The following ZMAT3 variants were observed in gnomAD, a reference collection of about 807,000 sequenced individuals.
ZMAT3 encodes zinc finger matrin-type 3.
In ZMAT3, 17 loss-of-function variants were observed where a neutral mutation model predicts 32.3. That is an observed-to-expected ratio of 0.53 (90% CI 0.36 to 0.79). The LOEUF is 0.79. Ranked by LOEUF, ZMAT3 falls within the 30% of genes least tolerant of loss-of-function variation. The pLI is 0.00. For synonymous variants in ZMAT3, 120 were observed against 133.1 expected (o/e 0.90, Z 0.68); for missense variants, 329 against 359.7 (o/e 0.91, Z 0.69).
intron 2 of ZMAT3, among the ~76,000 whole-genome samples, chr3:179,049,591 A>T (rs1231819219): frequency 1.3e-5 from 2 of 152,240 alleles, no homozygotes; most frequent in African/African-American, 4.8e-5. Flanking sequence ...TAAAATCAAG[A>T]TGGAAATTAA....
In ZMAT3 at chr3:179,067,576, T is replaced by C. The variant is rs1721481682; in HGVS notation, c.177A>G (p.Gln59=). ...GEEELSKGGE[Q]DCALEELCKP... is the part of the protein sequence containing the mutation. ...TACATAGCTCCTCCAGGGCACAGTC[T>C]TGCTCCCCTCCCTTCGATAACTCTT... The change falls in exon 2 of 6, where the codon CAA becomes CAG. Residue 59 remains glutamine (Q), a synonymous_variant. Transcript: ENST00000311417. The C allele has an allele frequency of 3.7e-6, 6 of 1,614,176 alleles. No individual in the cohort carries two copies. The highest frequency in any genetic ancestry group is 5.1e-6 in the Non-Finnish European group (6 of 1,180,038).
intron 1 of ZMAT3, among the ~76,000 whole-genome samples, chr3:179,069,681 T>C (rs1383484541): frequency 6.6e-6 from 1 of 152,086 alleles, no homozygotes; most frequent in Non-Finnish European, 1.5e-5. Flanking sequence ...TCAGACGAAA[T>C]TTGGGGTGGG....
chr3:179,032,587 G>C (rs992859983), intron 2 of ZMAT3, among the ~76,000 whole-genome samples: 1 of 150,878 alleles, frequency 6.6e-6, no homozygotes, highest in African/African-American at 2.4e-5. Context: ...CCATCGTCTG[G>C]GATGTGGGGA....
In ZMAT3 at chr3:179,020,397, C is replaced by T. The variant is rs948317762; in HGVS notation, c.*4620G>A. The T allele has an allele frequency of 1.3e-5, 2 of 152,188 alleles. No homozygotes were observed. Among genetic ancestry groups the T allele is most frequent in the Non-Finnish European group, 2.9e-5 (2 of 68,018 alleles). 9.4% of individuals were successfully genotyped at this position (152,188 alleles called of 1,614,324 possible). ...CTATTTGTCCATTCAGCCAGAGTGA[C>T]AGTAACTGCTCACAATGGTAGGGGT... On this transcript the variant is annotated 3_prime_UTR_variant, in exon 6 of 6. Transcript: ENST00000311417.
chr3:179,019,533 C>T lies in ZMAT3; in HGVS notation c.*5484G>A, dbSNP rs1194685853. On this transcript the variant is annotated 3_prime_UTR_variant, in exon 6 of 6. Transcript: ENST00000311417. ...GTCAAATGTTGATGGCAGAATCTAG[C>T]AGTGGTTATACTGCAAAGTTTTTTC... The T allele has an allele frequency of 6.6e-6, 1 of 152,000 alleles. No individual in the cohort carries two copies. The highest frequency in any genetic ancestry group is 1.5e-5 in the Non-Finnish European group (1 of 67,952). The allele number at this position is 152,000 out of a possible 1,614,324, so 9.4% of individuals were successfully genotyped here. A position where few individuals can be genotyped will look rare whatever the true frequency, so the allele number is the denominator to read the frequency against.
In ZMAT3 at chr3:179,024,848, C is replaced by A. The variant is rs1284099638; in HGVS notation, c.*169G>T. 2.0e-6 allele frequency: 1 copy of A among 498,328 alleles called. No homozygotes were observed. The highest frequency in any genetic ancestry group is 2.0e-5 in the African/African-American group (1 of 50,468). 30.9% of individuals were successfully genotyped at this position (498,328 alleles called of 1,614,324 possible). ...CGTTCTTCACACCCACCTCCCCCCG[C>A]CCCGCCCCCGGGCCCCCAGGTTTTG... On this transcript the variant is annotated 3_prime_UTR_variant, in exon 6 of 6. Coordinates refer to ENST00000311417, the MANE Select transcript of ZMAT3 (RefSeq NM_022470.4).
chr3:179,025,360 T>C (rs1010705059), intron 5 of ZMAT3, 132 bp from the exon 6 acceptor site: 21 of 748,988 alleles, frequency 2.8e-5, no homozygotes, highest in Non-Finnish European at 4.5e-5. Context: ...TAAGTGAATG[T>C]GAAGTTAATG....
chr3:179,036,803 A>C (rs957292310), intron 2 of ZMAT3, among the ~76,000 whole-genome samples: 1 of 152,158 alleles, frequency 6.6e-6, no homozygotes, highest in Non-Finnish European at 1.5e-5. Flanking sequence ...TGTGAAACCC[A>C]ACCTCATGCC....
rs1230846247 is a variant in ZMAT3, at chr3:179,023,771, A to AGTGCAGTG, written c.*1238_*1245dup. The AGTGCAGTG allele has an allele frequency of 1.9e-5, 2 of 107,036 alleles. No homozygotes were observed. Among genetic ancestry groups the AGTGCAGTG allele is most frequent in the African/African-American group, 7.6e-5 (2 of 26,342 alleles). 6.6% of individuals were successfully genotyped at this position (107,036 alleles called of 1,614,324 possible). A position where few individuals can be genotyped will look rare whatever the true frequency, so the allele number is the denominator to read the frequency against. ...AGTCTCGCTCTGTCACCCAGGCTGG[A>AGTGCAGTG]GTGCAGTGGCGCGATCTCGGCTCAC... On this transcript the variant is annotated 3_prime_UTR_variant, in exon 6 of 6. Transcript: ENST00000311417.
At chr3:179,067,854 T>TC in intron 1 of ZMAT3, 45 bp from the exon 2 acceptor site, 1 of 1,493,844 alleles carries the variant, frequency 6.7e-7, no homozygotes, top group East Asian at 2.3e-5. Flanking sequence ...CACTTGAAAA[T>TC]CAGACTTCAG....
intron 2 of ZMAT3, among the ~76,000 whole-genome samples, chr3:179,042,451 T>C (rs962957121): frequency 2.0e-5 from 3 of 152,142 alleles, no homozygotes; most frequent in Non-Finnish European, 4.4e-5. Flanking sequence ...ATCCATCACA[T>C]AAACAGAACC....
intron 2 of ZMAT3, 119 bp from the exon 3 acceptor site, chr3:179,031,118 A>T: frequency 1.3e-6 from 1 of 787,254 alleles, no homozygotes. Flanking sequence ...GAGAGACCAC[A>T]TTCACATAAT....
chr3:179,065,356 A>C (rs1721354709), intron 2 of ZMAT3, among the ~76,000 whole-genome samples: 1 of 152,220 alleles, frequency 6.6e-6, no homozygotes. Flanking sequence ...AATTAAGTAT[A>C]ATTACTAATC....
chr3:179,031,812 C>G (rs1477687272), intron 2 of ZMAT3, among the ~76,000 whole-genome samples: 1 of 151,752 alleles, frequency 6.6e-6, no homozygotes, highest in Non-Finnish European at 1.5e-5. Flanking sequence ...GAGGCTGAGG[C>G]AGGAGAACCA....
At chr3:179,068,466 C>T (rs1401182550) in intron 1 of ZMAT3, among the ~76,000 whole-genome samples, 1 of 151,734 alleles carries the variant, frequency 6.6e-6, no homozygotes, top group African/African-American at 2.4e-5. Context: ...GAGCCGAGAT[C>T]GTGCCATTGC....
At position 179,067,521 on chromosome 3, in the gene ZMAT3, T is replaced by C; in HGVS notation, c.232A>G (p.Thr78Ala). 1 of 1,614,196 alleles carries C rather than the reference T, an allele frequency of 6.2e-7. No homozygotes were observed. The highest frequency in any genetic ancestry group is 1.3e-5 in the African/African-American group (1 of 75,032). ...TGGGCTTGCTGTGCAGAGTTCAAGGTGACATTGCAGAGTTTGCAGTACAGG... is the reference window on the plus strand; with the variant it reads ...TGGGCTTGCTGTGCAGAGTTCAAGGCGACATTGCAGAGTTTGCAGTACAGG... ...KPLYCKLCNV[T>A]LNSAQQAQAH... Residue 78 changes from threonine to alanine, a missense_variant, in exon 2 of 6, where the codon ACC (threonine) becomes GCC (alanine). By Grantham distance (58) the Thr-to-Ala change is moderately conservative (BLOSUM62 0). Transcript: ENST00000311417.
chr3:179,038,666 C>T lies in ZMAT3; in HGVS notation c.271-7667G>A, dbSNP rs895827149. Among the ~76,000 whole-genome samples the T allele has an allele frequency of 4.6e-5, 7 of 152,156 alleles. No homozygotes were observed. In the East Asian group the frequency reaches 5.8e-4, roughly 13 times the overall value. ...ATCAATGCAGCAGACGGGTGATATC[C>T]GCATTTTGAACTGAGGTACCTGGTT... On this transcript the variant is annotated intron_variant, in intron 2 of 5. Transcript: ENST00000311417.
chr3:179,070,414 G>A (rs1721649657), intron 1 of ZMAT3, among the ~76,000 whole-genome samples: 1 of 152,204 alleles, frequency 6.6e-6, no homozygotes, highest in Non-Finnish European at 1.5e-5. Flanking sequence ...AATTTTTAAA[G>A]AGTAGCTTGA....
intron 2 of ZMAT3, among the ~76,000 whole-genome samples, chr3:179,051,637 A>T (rs1400686523): frequency 6.6e-6 from 1 of 152,192 alleles, no homozygotes; most frequent in East Asian, 1.9e-4. Flanking sequence ...AATTCAATGC[A>T]ATTCTCATCA....
Sources: gnomAD v4.1 joint callset for allele counts (sites outside exome capture counted in the v4.1 genomes callset) on GRCh38, gnomAD v4.1.1 for gene constraint, MANE v1.5 for transcripts, NCBI Gene and HGNC (gene_info 2026-07-23, HGNC 2026-07-21) for gene names.